The following ARHGAP23 variants were observed in gnomAD, a reference collection of about 807,000 sequenced individuals.
ARHGAP23 encodes Rho GTPase activating protein 23.
A neutral mutation model predicts 136.3 loss-of-function variants in ARHGAP23; 34 were observed. That is an observed-to-expected ratio of 0.25 (90% CI 0.19 to 0.33). The LOEUF (loss-of-function observed/expected upper bound fraction) is 0.33, where lower values mean the gene tolerates loss of function less well. ARHGAP23 is among the 10% of genes least tolerant of loss of function. The probability of loss-of-function intolerance (pLI) is 1.00; values close to 1 mark genes in which losing one functional copy is unlikely to be tolerated. For missense variants in ARHGAP23, 1,808 were observed against 2,139.0 expected, an observed-to-expected ratio of 0.85 and a Z score of 3.05; for synonymous variants, 832 against 920.5, an observed-to-expected ratio of 0.90 and a Z score of 1.74.
chr17:38,432,446 A>C (rs2038705686), intron 1 of ARHGAP23, among the ~76,000 whole-genome samples: 2 of 152,128 alleles, frequency 1.3e-5, no homozygotes, highest in South Asian at 4.1e-4. Context: ...TTGGGAGGCC[A>C]AGGCGGGTGG....
At chr17:38,437,737 G>T (rs1008541653) in intron 1 of ARHGAP23, among the ~76,000 whole-genome samples, 1 of 151,740 alleles carries the variant, frequency 6.6e-6, no homozygotes, top group African/African-American at 2.4e-5. Flanking sequence ...ACCCAGGGAA[G>T]TTAGACCCTC....
At chr17:38,421,895 C>T (rs1195397478) in intron 1 of ARHGAP23, among the ~76,000 whole-genome samples, 1 of 152,194 alleles carries the variant, frequency 6.6e-6, no homozygotes, top group African/African-American at 2.4e-5. Context: ...CTCTATGTTC[C>T]CCTTCTTTCC....
chr17:38,493,598 G>A (rs575615697), intron 20 of ARHGAP23, among the ~76,000 whole-genome samples: 1 of 152,264 alleles, frequency 6.6e-6, no homozygotes, highest in African/African-American at 2.4e-5. Flanking sequence ...CTGGATGATT[G>A]TCGAGGGAAT....
intron 1 of ARHGAP23, among the ~76,000 whole-genome samples, chr17:38,429,154 G>A (rs866797843): frequency 6.6e-6 from 1 of 152,228 alleles, no homozygotes; most frequent in African/African-American, 2.4e-5. Flanking sequence ...GGGCTCTGCC[G>A]GCGAGGCTGC....
intron 23 of ARHGAP23, among the ~76,000 whole-genome samples, chr17:38,507,276 A>AAATAATAATAATAAT (rs56830471): frequency 0.24 from 32,079 of 136,328 alleles, 4,272 homozygotes; most frequent in East Asian, 0.36. Context: ...CTCCGTCTCA[A>AAATAATAATAATAAT]AATAATAATA....
At chr17:38,482,236 C>G (rs1233402921) in intron 15 of ARHGAP23, 93 bp downstream of exon 15, 2 of 1,509,280 alleles carry the variant, frequency 1.3e-6, no homozygotes, top group African/African-American at 2.8e-5. Flanking sequence ...CAGCTCTCCA[C>G]CTCATTGTAC....
At chr17:38,455,814 C>T (rs956228215) in intron 1 of ARHGAP23, among the ~76,000 whole-genome samples, 1 of 152,144 alleles carries the variant, frequency 6.6e-6, no homozygotes, top group African/African-American at 2.4e-5. Context: ...ATGGGAAATC[C>T]GGGGGATTTC....
At chr17:38,509,677 G>A (rs2040710477) in intron 23 of ARHGAP23, among the ~76,000 whole-genome samples, 1 of 152,138 alleles carries the variant, frequency 6.6e-6, no homozygotes, top group African/African-American at 2.4e-5. Flanking sequence ...GCTGGATACG[G>A]AAAACAGAAT....
At chr17:38,448,399 G>A (rs1287355865) in intron 1 of ARHGAP23, among the ~76,000 whole-genome samples, 1 of 152,128 alleles carries the variant, frequency 6.6e-6, no homozygotes, top group Non-Finnish European at 1.5e-5. Context: ...TCCCTACTAT[G>A]TGCTCTGAGC....
At chr17:38,493,510 C>T (rs2040324743) in intron 20 of ARHGAP23, among the ~76,000 whole-genome samples, 2 of 152,190 alleles carry the variant, frequency 1.3e-5, no homozygotes, top group Admixed American at 1.3e-4. Context: ...CTTTTCTACT[C>T]AGAGATTCAT....
In ARHGAP23 at chr17:38,482,671, A is replaced by G; in HGVS notation, c.2900A>G (p.Gln967Arg). The change falls in exon 16 of 24, where the codon CAG becomes CGG. Residue 967 changes from glutamine to arginine, a missense_variant. Around this residue, in one of 7 missense-constraint regions of ARHGAP23, gnomAD observed 105 missense variants for 200.6 expected, o/e 0.52. Coordinates refer to ENST00000622683, the MANE Select transcript of ARHGAP23 (RefSeq NM_001199417.2). Reference protein sequence around the residue: ...LNRGPGDINLQDERWQDLNVI... With the variant: ...LNRGPGDINLRDERWQDLNVI... ...CGCGGGCCTGGTGACATCAACCTGCAGGATGAGGTGGGTGAAGCTGGGGGG... is the reference window on the plus strand; with the variant it reads ...CGCGGGCCTGGTGACATCAACCTGCGGGATGAGGTGGGTGAAGCTGGGGGG... The G allele has an allele frequency of 6.5e-7, 1 of 1,547,878 alleles. No individual in the cohort carries two copies. The highest frequency in any genetic ancestry group is 8.7e-7 in the Non-Finnish European group (1 of 1,145,828).
chr17:38,462,739 C>G, intron 3 of ARHGAP23, 107 bp from the exon 4 acceptor site: 1 of 814,496 alleles, frequency 1.2e-6, no homozygotes, highest in South Asian at 2.1e-5. Context: ...ATGTTTGTGA[C>G]CGGACGAGTG....
At chr17:38,431,473 C>A (rs559338937) in intron 1 of ARHGAP23, among the ~76,000 whole-genome samples, 1 of 152,162 alleles carries the variant, frequency 6.6e-6, no homozygotes. Context: ...CCTGTGGGAG[C>A]TGGTGCTGCC....
At position 38,477,034 on chromosome 17, in the gene ARHGAP23, G is replaced by T. The variant is rs1216226428; in HGVS notation, c.2119-545G>T. ...GGGGCTGGCTGTGTCAGATGCCGCT[G>T]AGGGGTTAAGGCAAGTTGGGGAGAA... is the stretch of plus-strand genomic sequence containing the variant. On this transcript the variant is annotated intron_variant, in intron 11 of 23. Transcript: ENST00000622683. The surrounding 1 kb of genome is among the most constrained non-coding windows in gnomAD (Gnocchi z 6.6). Among the ~76,000 whole-genome samples, 1 of 152,176 alleles carries T rather than the reference G, an allele frequency of 6.6e-6. No individual in the cohort carries two copies. The highest frequency in any genetic ancestry group is 1.5e-5 in the Non-Finnish European group (1 of 68,022).
intron 17 of ARHGAP23, among the ~76,000 whole-genome samples, chr17:38,487,233 A>G (rs1359575665): frequency 6.6e-6 from 1 of 152,180 alleles, no homozygotes; most frequent in African/African-American, 2.4e-5. Flanking sequence ...AGAGAGCTCT[A>G]CCTCATTCTT....
In ARHGAP23 at chr17:38,462,812, G is replaced by A. The variant is rs915121639; in HGVS notation, c.254-34G>A. 9.6e-6 allele frequency: 14 copies of A among 1,455,738 alleles called. No individual in the cohort carries two copies. In the South Asian group the frequency reaches 1.1e-4, roughly 11 times the overall value. The allele number at this position is 1,455,738 out of a possible 1,614,324, so 90.2% of individuals were successfully genotyped here. ...CTGTGCATGGGTGTGACCTTCCCCA[G>A]CCACCCCCAGCTAACCTGGCTGATG... On this transcript the variant is annotated intron_variant, in intron 3 of 23. Transcript: ENST00000622683.
chr17:38,509,810 G>A lies in ARHGAP23; in HGVS notation c.3448-134G>A, dbSNP rs73982815. The A allele has an allele frequency of 6.2e-6, 4 of 646,248 alleles. No homozygotes were observed. In the African/African-American group the frequency reaches 7.5e-5, roughly 12 times the overall value. 40.0% of individuals were successfully genotyped at this position (646,248 alleles called of 1,614,324 possible). On this transcript the variant is annotated intron_variant, in intron 23 of 23. Transcript: ENST00000622683. ...GGCTGGAGGAGGAGCGTTTTATGATGCGGCCGTGGGTGCTGGCCTTGGCTG... is the reference window on the plus strand; with the variant it reads ...GGCTGGAGGAGGAGCGTTTTATGATACGGCCGTGGGTGCTGGCCTTGGCTG...
At chr17:38,460,369 T>G (rs545717435) in intron 2 of ARHGAP23, among the ~76,000 whole-genome samples, 19 of 152,150 alleles carry the variant, frequency 1.2e-4, no homozygotes, top group Non-Finnish European at 2.4e-4. Context: ...CTCCTTTAAC[T>G]CAGCGATTCA....
At chr17:38,430,582 G>A (rs986067112) in intron 1 of ARHGAP23, among the ~76,000 whole-genome samples, 1 of 152,168 alleles carries the variant, frequency 6.6e-6, no homozygotes, top group Non-Finnish European at 1.5e-5. Flanking sequence ...GATGTGTAAG[G>A]TTAAAAGAGA....
Sources: allele counts gnomAD v4.1 joint callset (sites outside exome capture counted in the v4.1 genomes callset), GRCh38; gene constraint gnomAD v4.1.1; regional missense constraint gnomAD v4.1.1; non-coding constraint Gnocchi (gnomAD v3.1); transcripts MANE v1.5; gene names NCBI Gene and HGNC (gene_info 2026-07-23, HGNC 2026-07-21).